The following GNGT1 variants were observed in gnomAD, a reference collection of about 807,000 sequenced individuals.
The protein encoded by GNGT1 is G protein subunit gamma transducin 1, also known as guanine nucleotide-binding protein G(T) subunit gamma-T1.
In GNGT1, 4 loss-of-function variants were observed where a neutral mutation model predicts 7.4. The observed-to-expected ratio is 0.54, with a 90% CI of 0.27 to 1.24. The LOEUF (loss-of-function observed/expected upper bound fraction) is 1.24, where lower values mean the gene tolerates loss of function less well. Among genes scored for constraint, GNGT1 ranks in the 50% most tolerant of loss-of-function variants. The probability of loss-of-function intolerance (pLI) is 0.12; values close to 1 mark genes in which losing one functional copy is unlikely to be tolerated. For missense variants in GNGT1, 95 were observed against 82.4 expected (o/e 1.15, Z -0.59); for synonymous variants, 37 against 30.2 (o/e 1.23, Z -0.74).
At chr7:93,907,660 A>G (rs539007651) in intron 2 of GNGT1, among the ~76,000 whole-genome samples, 2 of 152,214 alleles carry the variant, frequency 1.3e-5, no homozygotes, top group Non-Finnish European at 2.9e-5. Context: ...TTAACAGTAG[A>G]ACAAAACCTC....
chr7:93,906,784 A>G lies in GNGT1; in HGVS notation c.38A>G (p.Asp13Gly), dbSNP rs904326580. ...AATATTGAGGACCTGACAGAAAAGG[A>G]CAAATTGAAGATGGAAGTTGACCAG... ...VINIEDLTEK[D>G]KLKMEVDQLK... The change falls in exon 2 of 3, where the codon GAC becomes GGC. Residue 13 changes from aspartate to glycine, a missense_variant. Coordinates refer to ENST00000248572, the MANE Select transcript of GNGT1 (RefSeq NM_021955.5). 28 of 1,607,180 alleles carry G rather than the reference A, an allele frequency of 1.7e-5. No individual in the cohort carries two copies. The highest frequency in any genetic ancestry group is 2.0e-5 in the Non-Finnish European group (23 of 1,176,714).
At chr7:93,909,238 C>G (rs1794423176) in intron 2 of GNGT1, among the ~76,000 whole-genome samples, 2 of 152,172 alleles carry the variant, frequency 1.3e-5, no homozygotes, top group South Asian at 2.1e-4. Flanking sequence ...TGTGCATCTT[C>G]TTGTGCCAGG....
intron 2 of GNGT1, chr7:93,910,583 T>C (rs1794447141): frequency 3.9e-6 from 1 of 257,590 alleles, no homozygotes. Context: ...TGGCCAGCTG[T>C]TTTTCCTTTG....
rs1794456321 is a variant in GNGT1 at position 93,910,918 on chromosome 7, A to G, written c.225A>G (p.Ter75=). 6.4e-7 allele frequency: 1 copy of G among 1,558,056 alleles called. No homozygotes were observed. Among genetic ancestry groups the G allele is most frequent in the Non-Finnish European group, 8.7e-7 (1 of 1,154,752 alleles). ...KELKGGCVIS[*] ...TCAAAGGAGGCTGTGTGATTTCATA[A>G]TACAAACAAAAAGAAAAAAAATTAA... The change falls in exon 3 of 3, where the codon TAA becomes TAG. Residue 75 remains the stop codon, a stop_retained_variant. Coordinates refer to ENST00000248572, the MANE Select transcript of GNGT1 (RefSeq NM_021955.5).
chr7:93,907,659 G>T (rs1469239662), intron 2 of GNGT1, among the ~76,000 whole-genome samples: 2 of 152,154 alleles, frequency 1.3e-5, no homozygotes, highest in Non-Finnish European at 2.9e-5. Context: ...ATTAACAGTA[G>T]AACAAAACCT....
chr7:93,910,783 C>G lies in GNGT1; in HGVS notation c.97-7C>G. ...AAATGAGTCATCCCTTTTTCCTTCC[C>G]CTTAAGGTTTCCAAATGTTGTGAAG... is the stretch of plus-strand genomic sequence containing the variant. On this transcript the variant is annotated splice_region_variant and splice_polypyrimidine_tract_variant and intron_variant, in intron 2 of 2. Transcript: ENST00000248572. 6.3e-7 allele frequency: 1 copy of G among 1,590,288 alleles called. No individual in the cohort carries two copies.
At chr7:93,908,383 C>T (rs552493892) in intron 2 of GNGT1, among the ~76,000 whole-genome samples, 13 of 151,926 alleles carry the variant, frequency 8.6e-5, no homozygotes, top group Non-Finnish European at 4.4e-5. Flanking sequence ...GCTGGGGCAT[C>T]CAAGATCAAG....
intron 1 of GNGT1, 24 bp downstream of exon 1, chr7:93,906,668 G>A (rs1794377893): frequency 2.5e-6 from 2 of 798,752 alleles, no homozygotes; most frequent in Non-Finnish European, 4.2e-6. Flanking sequence ...TGAGGGAATT[G>A]TTGGCTAAGA....
At chr7:93,909,089 T>C (rs560384948) in intron 2 of GNGT1, among the ~76,000 whole-genome samples, 2 of 152,358 alleles carry the variant, frequency 1.3e-5, no homozygotes, top group South Asian at 2.1e-4. Context: ...ATTCATATTA[T>C]TGTGATTTTT....
Position 93,910,672 on chromosome 7 carries a change from TAGAG to T in GNGT1, c.97-114_97-111del, listed in dbSNP as rs542111423. 1.5e-3 allele frequency: 1,022 copies of T among 661,286 alleles called. 10 individuals carry two copies. In the African/African-American group the frequency reaches 0.017, roughly 11 times the overall value. 41.0% of individuals were successfully genotyped at this position (661,286 alleles called of 1,614,324 possible). On this transcript the variant is annotated intron_variant, in intron 2 of 2. Coordinates refer to ENST00000248572, the MANE Select transcript of GNGT1 (RefSeq NM_021955.5). ...AAAGTAAATATGCATTGGTGTAAAG[TAGAG>T]AGAATCAAACTGAAATTATACAACC... is the stretch of plus-strand genomic sequence containing the variant.
rs772250512 is a variant in GNGT1, at chr7:93,906,752, A to G, written c.6A>G (p.Pro2=). The change falls in exon 2 of 3, where the codon CCA becomes CCG. Residue 2 remains proline, a synonymous_variant. Coordinates refer to ENST00000248572, the MANE Select transcript of GNGT1 (RefSeq NM_021955.5). ...CATCTTCAGCAGGCAAAAAGATGCC[A>G]GTAATCAATATTGAGGACCTGACAG... is the stretch of plus-strand genomic sequence containing the variant. M[P]VINIEDLTEK... The G allele has an allele frequency of 5.7e-6, 9 of 1,592,350 alleles. No individual in the cohort carries two copies. The South Asian group carries it at 9.0e-5, about 16-fold the overall frequency.
At position 93,910,815 on chromosome 7, in the gene GNGT1, G is replaced by C; in HGVS notation, c.122G>C (p.Arg41Thr). The change falls in exon 3 of 3, where the codon AGA (arginine) becomes ACA (threonine). Residue 41 changes from arginine to threonine, a missense_variant. Coordinates refer to ENST00000248572, the MANE Select transcript of GNGT1 (RefSeq NM_021955.5). The stretch of plus-strand genomic sequence containing the variant: ...GTTTCCAAATGTTGTGAAGAAGTAA[G>C]AGATTACGTTGAAGAACGATCTGGC... ...MLVSKCCEEV[R>T]DYVEERSGED... 6.2e-7 allele frequency: 1 copy of C among 1,604,568 alleles called. No homozygotes were observed. Among genetic ancestry groups the C allele is most frequent in the Non-Finnish European group, 8.5e-7 (1 of 1,174,140 alleles).
At chr7:93,909,995 A>C (rs1433460295) in intron 2 of GNGT1, 1 of 154,168 alleles carries the variant, frequency 6.5e-6, no homozygotes, top group Non-Finnish European at 1.4e-5. Flanking sequence ...GAATAATTTG[A>C]TTTCGTGTGT....
At chr7:93,909,757 T>C in intron 2 of GNGT1, 1 of 419,332 alleles carries the variant, frequency 2.4e-6, no homozygotes, top group Non-Finnish European at 4.2e-6. Flanking sequence ...ACTATGTAAT[T>C]AATGAGTCTG....
intron 2 of GNGT1, among the ~76,000 whole-genome samples, chr7:93,907,799 G>T (rs988025480): frequency 8.6e-5 from 13 of 151,974 alleles, no homozygotes; most frequent in Admixed American, 8.5e-4. Flanking sequence ...GGGATTTTGG[G>T]CTTCGTCTAT....
chr7:93,908,265 T>TA (rs907735022), intron 2 of GNGT1, among the ~76,000 whole-genome samples: 2 of 152,086 alleles, frequency 1.3e-5, no homozygotes, highest in Admixed American at 6.6e-5. Flanking sequence ...TGCATATAGA[T>TA]ACACATACAT....
chr7:93,909,804 G>C (rs918894470), intron 2 of GNGT1: 6 of 244,648 alleles, frequency 2.5e-5, no homozygotes, highest in Admixed American at 1.7e-4. Flanking sequence ...TATATCAAAT[G>C]TTCCTTGGAA....
chr7:93,908,983 A>G (rs180273), intron 2 of GNGT1, among the ~76,000 whole-genome samples: 125,348 of 152,150 alleles, frequency 0.82, 51,720 homozygotes, highest in African/African-American at 0.87. Flanking sequence ...GATAATATAC[A>G]CAAAGCTCTG....
Position 93,910,833 on chromosome 7 carries a change from G to A in GNGT1, c.140G>A (p.Arg47Gln), listed in dbSNP as rs535998188. The A allele has an allele frequency of 2.5e-6, 4 of 1,605,772 alleles. No homozygotes were observed. Among genetic ancestry groups the A allele is most frequent in the South Asian group, 2.2e-5 (2 of 90,180 alleles). ...CEEVRDYVEE[R>Q]SGEDPLVKGI... ...GAAGTAAGAGATTACGTTGAAGAAC[G>A]ATCTGGCGAGGATCCACTGGTAAAG... Residue 47 changes from arginine to glutamine, a missense_variant, in exon 3 of 3, where the codon CGA (arginine) becomes CAA (glutamine). By Grantham distance (43) the Arg-to-Gln change is conservative. Coordinates refer to ENST00000248572, the MANE Select transcript of GNGT1 (RefSeq NM_021955.5).
Sources: gnomAD v4.1 joint callset for allele counts (sites outside exome capture counted in the v4.1 genomes callset) on GRCh38, gnomAD v4.1.1 for gene constraint, MANE v1.5 for transcripts, NCBI Gene and HGNC (gene_info 2026-07-23, HGNC 2026-07-21) for gene names.